Variants in SLC12A9 observed in about 807,000 individuals in gnomAD.
SLC12A9 encodes the protein solute carrier family 12 member 9.
In SLC12A9, 55 loss-of-function variants were observed where a neutral mutation model predicts 66.0. That is an observed-to-expected ratio of 0.83 (90% CI 0.67 to 1.04). The LOEUF is 1.04. Ranked by LOEUF, SLC12A9 falls within the 50% of genes least tolerant of loss-of-function variation. The pLI is 0.00. For missense variants in SLC12A9, 1,061 were observed against 1,241.9 expected (o/e 0.85, Z 2.19); for synonymous variants, 577 against 569.0 (o/e 1.01, Z -0.20).
chr7:100,866,870 G>C lies in SLC12A9; in HGVS notation c.*265G>C, dbSNP rs1471893456. 1 of 408,848 alleles carries C rather than the reference G, an allele frequency of 2.4e-6. No individual in the cohort carries two copies. The highest frequency in any genetic ancestry group is 4.3e-6 in the Non-Finnish European group (1 of 231,176). The allele number at this position is 408,848 out of a possible 1,614,324, so 25.3% of individuals were successfully genotyped here. A position where few individuals can be genotyped will look rare whatever the true frequency, so the allele number is the denominator to read the frequency against. ...TCCCTTCACTGGTGCCTTGATGCTAGGGGCCAGGCCTCCTCTGTGACTCTG... is the reference window on the plus strand; with the variant it reads ...TCCCTTCACTGGTGCCTTGATGCTACGGGCCAGGCCTCCTCTGTGACTCTG... On this transcript the variant is annotated 3_prime_UTR_variant, in exon 14 of 14. Transcript: ENST00000354161. The surrounding 1 kb of genome is among the most constrained non-coding windows in gnomAD (Gnocchi z 7.3).
At position 100,861,801 on chromosome 7, in the gene SLC12A9, T is replaced by G; in HGVS notation, c.1601T>G (p.Leu534Arg). 1 of 1,614,134 alleles carries G rather than the reference T, an allele frequency of 6.2e-7. No homozygotes were observed. Among genetic ancestry groups the G allele is most frequent in the Non-Finnish European group, 8.5e-7 (1 of 1,180,004 alleles). The stretch of plus-strand genomic sequence containing the variant: ...CACGTGAAGTTCTGGCGGCCCCAGC[T>G]GCTGCTCCTGGTGGGGAACCCCCGG... ...KDHVKFWRPQ[L>R]LLLVGNPRGA... Residue 534 changes from leucine to arginine, a missense_variant, in exon 12 of 14, where the codon CTG becomes CGG. Coordinates refer to ENST00000354161, the MANE Select transcript of SLC12A9 (RefSeq NM_020246.4). This position sits in a 1 kb window ranked among gnomAD's most constrained non-coding sequence, Gnocchi z 5.3.
intron 1 of SLC12A9, among the ~76,000 whole-genome samples, chr7:100,839,605 G>C (rs1317782877): frequency 2.6e-5 from 4 of 152,228 alleles, no homozygotes; most frequent in Non-Finnish European, 5.9e-5. Flanking sequence ...GTGCTCCCTG[G>C]TAGGCATTTG....
At chr7:100,829,515 G>T (rs764731060) in intron 1 of SLC12A9, among the ~76,000 whole-genome samples, 13 of 151,938 alleles carry the variant, frequency 8.6e-5, no homozygotes, top group African/African-American at 2.2e-4. Context: ...GCCCGGGTTG[G>T]GGGGGGTGGG....
Position 100,854,292 on chromosome 7 carries a change from C to G in SLC12A9, c.95C>G (p.Ala32Gly). The stretch of plus-strand genomic sequence containing the variant: ...AATGGGGCCGGGGGTCCTGGAGGGG[C>G]GTCTGCCCGGAAGCTGTCCACCTTC... Reference protein sequence around the residue: ...PANGAGGPGGASARKLSTFLG... With the variant: ...PANGAGGPGGGSARKLSTFLG... The change falls in exon 2 of 14, where the codon GCG becomes GGG. Residue 32 changes from alanine (A) to glycine (G), a missense_variant. Coordinates refer to ENST00000354161, the MANE Select transcript of SLC12A9 (RefSeq NM_020246.4). The G allele has an allele frequency of 6.2e-7, 1 of 1,600,318 alleles. No homozygotes were observed. The highest frequency in any genetic ancestry group is 1.4e-5 in the African/African-American group (1 of 73,912).
At chr7:100,856,844 A>C (rs1363233136) in intron 4 of SLC12A9, 24 bp from the exon 5 acceptor site, 3 of 1,550,126 alleles carry the variant, frequency 1.9e-6, no homozygotes, top group Non-Finnish European at 2.6e-6. Context: ...CGGGCCTTCT[A>C]ACTCTGTCCC....
In SLC12A9 at chr7:100,862,739, C is replaced by T. The variant is rs746702602; in HGVS notation, c.1770C>T (p.Asp590=). 1.2e-6 allele frequency: 2 copies of T among 1,614,092 alleles called. No homozygotes were observed. The highest frequency in any genetic ancestry group is 2.7e-5 in the African/African-American group (2 of 74,934). ...ATGGGGCATGGCTCAGCCTGGTGGACCGTGCCCAGGTGAAGGCTTTTGTGG... is the reference window on the plus strand; with the variant it reads ...ATGGGGCATGGCTCAGCCTGGTGGATCGTGCCCAGGTGAAGGCTTTTGTGG... ...PQYGAWLSLV[D]RAQVKAFVDL... Residue 590 remains aspartate (D), a synonymous_variant, in exon 13 of 14, where the codon GAC becomes GAT. Coordinates refer to ENST00000354161, the MANE Select transcript of SLC12A9 (RefSeq NM_020246.4).
At chr7:100,847,006 G>A (rs1013626894) in intron 1 of SLC12A9, among the ~76,000 whole-genome samples, 11 of 151,822 alleles carry the variant, frequency 7.2e-5, no homozygotes, top group African/African-American at 2.7e-4. Context: ...TTGCTCAATC[G>A]ATCAAGACCC....
At chr7:100,834,180 A>T (rs572971793) in intron 1 of SLC12A9, among the ~76,000 whole-genome samples, 1 of 152,218 alleles carries the variant, frequency 6.6e-6, no homozygotes, top group African/African-American at 2.4e-5. Context: ...TGATGTCTGA[A>T]TGAGTCCTAG....
At chr7:100,865,349 T>A (rs995523746) in intron 13 of SLC12A9, 8 of 1,535,846 alleles carry the variant, frequency 5.2e-6, no homozygotes, top group Non-Finnish European at 3.5e-6. Flanking sequence ...GGTGTCTGGT[T>A]TGCACAACAG....
At position 100,859,888 on chromosome 7, in the gene SLC12A9, C is replaced by T. The variant is rs1311474513; in HGVS notation, c.981C>T (p.Thr327=). The change falls in exon 8 of 14, where the codon ACC becomes ACT. Residue 327 remains threonine, a synonymous_variant. Transcript: ENST00000354161. ...FFLSSFTCDR[T]LLQEDYGFFR... The stretch of plus-strand genomic sequence containing the variant: ...TCCTCCTTTTCCTCCTTCCTAGGAC[C>T]CTGCTGCAGGAAGACTATGGGTTCT... 6.3e-7 allele frequency: 1 copy of T among 1,598,830 alleles called. No homozygotes were observed. The highest frequency in any genetic ancestry group is 8.6e-7 in the Non-Finnish European group (1 of 1,167,324).
At chr7:100,854,031 T>A in intron 1 of SLC12A9, 125 bp from the exon 2 acceptor site, 1 of 562,366 alleles carries the variant, frequency 1.8e-6, no homozygotes, top group Non-Finnish European at 2.9e-6. Flanking sequence ...GCCTGGCCAA[T>A]TTTTGTATTT....
intron 1 of SLC12A9, among the ~76,000 whole-genome samples, chr7:100,836,439 C>A (rs1203418136): frequency 6.6e-6 from 1 of 152,100 alleles, no homozygotes; most frequent in Non-Finnish European, 1.5e-5. Context: ...ACTCTTCCAG[C>A]CTGGGGACCA....
chr7:100,851,040 A>G (rs1380199165), upstream of SLC12A9, among the ~76,000 whole-genome samples: 1 of 151,290 alleles, frequency 6.6e-6, no homozygotes, highest in African/African-American at 2.4e-5. Flanking sequence ...AAAATTTTGT[A>G]GAGATGAGGT....
At chr7:100,849,706 ACT>A (rs1483643726), upstream of SLC12A9, among the ~76,000 whole-genome samples, 1 of 150,660 alleles carries the variant, frequency 6.6e-6, no homozygotes, top group African/African-American at 2.5e-5. Context: ...ACAGACGGAG[ACT>A]CTGTCTAAAA....
intron 1 of SLC12A9, among the ~76,000 whole-genome samples, chr7:100,834,472 G>A (rs1392324808): frequency 6.6e-6 from 1 of 152,154 alleles, no homozygotes. Context: ...GACTGAAGGC[G>A]GGGAAACCAG....
Position 100,866,957 on chromosome 7 carries a change from G to T in SLC12A9, c.*352G>T, listed in dbSNP as rs1815133108. 2.7e-5 allele frequency: 7 copies of T among 256,642 alleles called. No individual in the cohort carries two copies. The East Asian group carries it at 5.2e-4, about 19-fold the overall frequency. The allele number at this position is 256,642 out of a possible 1,614,324, so 15.9% of individuals were successfully genotyped here. ...GGCCCACTGGGGTGGTGATGTTTTC[G>T]TTCTGTTTTATTTTTCTAACTCTGC... On this transcript the variant is annotated 3_prime_UTR_variant, in exon 14 of 14. Transcript: ENST00000354161. This position sits in a 1 kb window ranked among gnomAD's most constrained non-coding sequence, Gnocchi z 7.3.
chr7:100,848,531 A>AAAT (rs1412913080), upstream of SLC12A9, among the ~76,000 whole-genome samples: 1 of 135,962 alleles, frequency 7.4e-6, no homozygotes, highest in Admixed American at 7.8e-5. Context: ...AATAAATAAT[A>AAAT]AATAAATACA....
At chr7:100,835,701 T>C (rs187381178) in intron 1 of SLC12A9, among the ~76,000 whole-genome samples, 15 of 152,004 alleles carry the variant, frequency 9.9e-5, no homozygotes, top group African/African-American at 3.4e-4. Flanking sequence ...AAGAGTGTGA[T>C]TGACCCTTTA....
intron 5 of SLC12A9, 171 bp from the exon 6 acceptor site, chr7:100,858,664 T>C: frequency 1.7e-6 from 1 of 605,328 alleles, no homozygotes; most frequent in Non-Finnish European, 3.0e-6. Flanking sequence ...TGGGGGGACG[T>C]GGCAATGTGT....
Sources: allele counts gnomAD v4.1 joint callset (sites outside exome capture counted in the v4.1 genomes callset), GRCh38; gene constraint gnomAD v4.1.1; non-coding constraint Gnocchi (gnomAD v3.1); transcripts MANE v1.5; gene names NCBI Gene and HGNC (gene_info 2026-07-23, HGNC 2026-07-21).